BNIP3L: variants seen among roughly 807,000 people sequenced by gnomAD.
BNIP3L encodes BCL2 interacting protein 3 like, also known as BCL2/adenovirus E1B 19 kDa protein-interacting protein 3-like.
A neutral mutation model predicts 25.5 loss-of-function variants in BNIP3L; 10 were observed. The ratio of observed to expected loss-of-function variants is 0.39; its 90% CI spans 0.24 to 0.67. The LOEUF is 0.67. BNIP3L is among the 30% of genes least tolerant of loss of function. The pLI, the probability that BNIP3L is intolerant of heterozygous loss-of-function variation, is 0.45. For synonymous variants in BNIP3L, 113 were observed against 101.2 expected, an observed-to-expected ratio of 1.12 and a Z score of -0.70; for missense variants, 215 against 270.9, an observed-to-expected ratio of 0.79 and a Z score of 1.45.
intron 3 of BNIP3L, among the ~76,000 whole-genome samples, chr8:26,403,905 A>G (rs1806444765): frequency 6.6e-6 from 1 of 152,146 alleles, no homozygotes; most frequent in Non-Finnish European, 1.5e-5. Context: ...GGAAAAAGTG[A>G]GGCTTTGTAC....
At chr8:26,383,251 C>T in intron 1 of BNIP3L, 21 bp downstream of exon 1, 1 of 1,596,666 alleles carries the variant, frequency 6.3e-7, no homozygotes, top group Non-Finnish European at 8.5e-7. Flanking sequence ...GGCCGAGGCT[C>T]TGTGAAGGGG....
At chr8:26,400,032 A>G (rs1484372395) in intron 3 of BNIP3L, among the ~76,000 whole-genome samples, 2 of 151,404 alleles carry the variant, frequency 1.3e-5, no homozygotes, top group Non-Finnish European at 2.9e-5. Flanking sequence ...TCAAGCTACC[A>G]ATGACTTTCT....
At chr8:26,392,308 A>T (rs371139409) in intron 2 of BNIP3L, among the ~76,000 whole-genome samples, 15 of 152,048 alleles carry the variant, frequency 9.9e-5, no homozygotes, top group African/African-American at 3.6e-4. Flanking sequence ...TTAACCATTT[A>T]GAAAATGCAA....
At chr8:26,383,374 T>A in intron 1 of BNIP3L, 144 bp downstream of exon 1, 1 of 1,457,924 alleles carries the variant, frequency 6.9e-7, no homozygotes, top group Non-Finnish European at 9.0e-7. Flanking sequence ...ACAGCTCCCG[T>A]CCCCTGTCAA....
At chr8:26,385,230 G>T (rs1563336681) in intron 1 of BNIP3L, among the ~76,000 whole-genome samples, 1 of 152,112 alleles carries the variant, frequency 6.6e-6, no homozygotes, top group South Asian at 2.1e-4. Flanking sequence ...AAGATACTTG[G>T]TAGGTGTACG....
rs373938692 is a variant in BNIP3L, at chr8:26,408,312, G to T, written c.547G>T (p.Ala183Ser). ...GAMKKGGIFSAEFLKVFIPSL... is the reference protein window; with the variant it reads ...GAMKKGGIFSSEFLKVFIPSL... Reference sequence around the variant, plus strand: ...CATGAAGAAAGGGGGTATTTTCTCCGCAGAATTTCTGAAGGTGTTCATTCC... The same window carrying T: ...CATGAAGAAAGGGGGTATTTTCTCCTCAGAATTTCTGAAGGTGTTCATTCC... Residue 183 changes from alanine (A) to serine (S), a missense_variant, in exon 5 of 6, where the codon GCA (alanine) becomes TCA (serine). Ala to Ser is a moderately conservative substitution (Grantham distance 99). This residue lies in a region of BNIP3L where 63 missense variants were observed against 98.8 expected (regional missense o/e 0.64). Transcript: ENST00000380629. 1.5e-5 allele frequency: 24 copies of T among 1,613,986 alleles called. No individual in the cohort carries two copies. The highest frequency in any genetic ancestry group is 1.9e-5 in the Non-Finnish European group (22 of 1,180,000).
At chr8:26,401,389 G>A (rs981038872) in intron 3 of BNIP3L, among the ~76,000 whole-genome samples, 3 of 150,834 alleles carry the variant, frequency 2.0e-5, no homozygotes, top group Non-Finnish European at 4.4e-5. Context: ...ACACAGGAAG[G>A]GGAATATCAC....
rs750560498 is a variant in BNIP3L at position 26,383,215 on chromosome 8, C to G, written c.85C>G (p.Pro29Ala). 6.2e-7 allele frequency: 1 copy of G among 1,610,874 alleles called. No individual in the cohort carries two copies. Among genetic ancestry groups the G allele is most frequent in the Non-Finnish European group, 8.5e-7 (1 of 1,179,198 alleles). ...GGAAAATGAGCAGTCTCTGCCCCCG[C>G]CGGCCGGCCTCAACAGTGAGTGCGG... ...CEENEQSLPP[P>A]AGLNSSWVEL... The change falls in exon 1 of 6, where the codon CCG becomes GCG. Residue 29 changes from proline to alanine, a missense_variant. Transcript: ENST00000380629.
intron 3 of BNIP3L, among the ~76,000 whole-genome samples, chr8:26,405,862 G>C (rs1371178082): frequency 6.6e-6 from 1 of 152,062 alleles, no homozygotes; most frequent in Non-Finnish European, 1.5e-5. Context: ...GGCCAACATG[G>C]TGAAACCCCG....
At chr8:26,402,845 T>G (rs1806418635) in intron 3 of BNIP3L, among the ~76,000 whole-genome samples, 1 of 152,242 alleles carries the variant, frequency 6.6e-6, no homozygotes, top group Non-Finnish European at 1.5e-5. Flanking sequence ...CTTCCTCTTC[T>G]CTGCATACGT....
At chr8:26,388,329 C>T (rs1044062099) in intron 1 of BNIP3L, among the ~76,000 whole-genome samples, 2 of 152,068 alleles carry the variant, frequency 1.3e-5, no homozygotes, top group Non-Finnish European at 2.9e-5. Flanking sequence ...ACAAAGTCTT[C>T]GAGGTAGATA....
At chr8:26,410,182 G>T (rs1003824587) in intron 5 of BNIP3L, among the ~76,000 whole-genome samples, 182 bp from the exon 6 acceptor site, 4 of 152,104 alleles carry the variant, frequency 2.6e-5, no homozygotes, top group Admixed American at 2.0e-4. Context: ...AACCAGTTTG[G>T]CCGGGCTGGT....
At chr8:26,408,864 T>TC (rs1806555292) in intron 5 of BNIP3L, among the ~76,000 whole-genome samples, 1 of 106,730 alleles carries the variant, frequency 9.4e-6, no homozygotes, top group Admixed American at 1.2e-4. Flanking sequence ...AGAGTGAGAC[T>TC]CCATCTCGGA....
chr8:26,389,837 C>G (rs1343485053), intron 1 of BNIP3L, among the ~76,000 whole-genome samples: 1 of 152,158 alleles, frequency 6.6e-6, no homozygotes, highest in Non-Finnish European at 1.5e-5. Context: ...TCAGTTCACT[C>G]TGGAACTGGT....
chr8:26,398,651 C>CA (rs1392501362), intron 3 of BNIP3L, among the ~76,000 whole-genome samples: 1 of 127,414 alleles, frequency 7.8e-6, no homozygotes, highest in Non-Finnish European at 1.7e-5. Flanking sequence ...AATAGAGACA[C>CA]AAAAAACCCT....
chr8:26,395,357 C>CT lies in BNIP3L; in HGVS notation c.357+56dup, dbSNP rs1806210521. 3 of 1,553,086 alleles carry CT rather than the reference C, an allele frequency of 1.9e-6. No individual in the cohort carries two copies. In the South Asian group the frequency reaches 3.5e-5, roughly 18 times the overall value. On this transcript the variant is annotated intron_variant, in intron 3 of 5. Coordinates refer to ENST00000380629, the MANE Select transcript of BNIP3L (RefSeq NM_004331.3). ...AACAATTAAGAAAGATGTAAATTCT[C>CT]TAAGTATATTTTGCTAAAATAAATG...
rs1280668672 is a variant in BNIP3L, at chr8:26,410,839, G to T, written c.*427G>T. ...GATCAGGTTAGCAAATGATGTAAAA[G>T]AAGCTTTATTGTCTAGTTGTTTTTT... is the stretch of plus-strand genomic sequence containing the variant. On this transcript the variant is annotated 3_prime_UTR_variant, in exon 6 of 6. Coordinates refer to ENST00000380629, the MANE Select transcript of BNIP3L (RefSeq NM_004331.3). The T allele has an allele frequency of 6.5e-6, 1 of 153,236 alleles. No individual in the cohort carries two copies. Among genetic ancestry groups the T allele is most frequent in the African/African-American group, 2.4e-5 (1 of 41,306 alleles). 9.5% of individuals were successfully genotyped at this position (153,236 alleles called of 1,614,324 possible).
intron 3 of BNIP3L, among the ~76,000 whole-genome samples, chr8:26,401,608 A>T (rs1412988410): frequency 1.4e-5 from 2 of 142,034 alleles, no homozygotes; most frequent in Admixed American, 7.1e-5. Context: ...GGTACAAAAT[A>T]AAAAAAAAAA....
At position 26,410,861 on chromosome 8, in the gene BNIP3L, T is replaced by G. The variant is rs1806608795; in HGVS notation, c.*449T>G. The G allele has an allele frequency of 2.0e-5, 3 of 152,462 alleles. No individual in the cohort carries two copies. The highest frequency in any genetic ancestry group is 2.0e-4 in the Admixed American group (3 of 15,292). The allele number at this position is 152,462 out of a possible 1,614,324, so 9.4% of individuals were successfully genotyped here. ...AAAGAAGCTTTATTGTCTAGTTGTT[T>G]TTTTTCCCCCAAGACAAAGGCAAGT... is the stretch of plus-strand genomic sequence containing the variant. On this transcript the variant is annotated 3_prime_UTR_variant, in exon 6 of 6. Transcript: ENST00000380629.
Sources: allele counts gnomAD v4.1 joint callset (sites outside exome capture counted in the v4.1 genomes callset), GRCh38; gene constraint gnomAD v4.1.1; regional missense constraint gnomAD v4.1.1; transcripts MANE v1.5; gene names NCBI Gene and HGNC (gene_info 2026-07-23, HGNC 2026-07-21).